PALM: variants seen among roughly 807,000 people sequenced by gnomAD.
PALM encodes the protein paralemmin-1.
In PALM, 18 loss-of-function variants were observed where a neutral mutation model predicts 30.7. That is an observed-to-expected ratio of 0.59 (90% CI 0.41 to 0.87). PALM has a LOEUF of 0.87. PALM is among the 40% of genes least tolerant of loss of function. The probability of loss-of-function intolerance (pLI) is 0.00; values close to 1 mark genes in which losing one functional copy is unlikely to be tolerated. For missense variants in PALM, 529 were observed against 555.4 expected (o/e 0.95, Z 0.48); for synonymous variants, 286 against 242.8 (o/e 1.18, Z -1.66).
chr19:739,147 C>T (rs528503352), intron 7 of PALM, among the ~76,000 whole-genome samples: 1 of 152,090 alleles, frequency 6.6e-6, no homozygotes, highest in Non-Finnish European at 1.5e-5. Flanking sequence ...CAGAGTGGGG[C>T]GAGGTGCTGG....
At chr19:719,239 G>T in intron 1 of PALM, 2 of 985,488 alleles carry the variant, frequency 2.0e-6, no homozygotes, top group Non-Finnish European at 2.4e-6. Flanking sequence ...CGCCCTGCTC[G>T]CTGGGTGACC....
rs1290435591 is a variant in PALM, at chr19:709,409, C to T, written c.5+258C>T. ...GGGACCCGGGCAGCGGCGGCTCGGGCCAGTCCAGGACGCGGGGAGGGGGAG... is the reference window on the plus strand; with the variant it reads ...GGGACCCGGGCAGCGGCGGCTCGGGTCAGTCCAGGACGCGGGGAGGGGGAG... On this transcript the variant is annotated intron_variant, in intron 1 of 8. Coordinates refer to ENST00000338448, the MANE Select transcript of PALM (RefSeq NM_002579.3). The surrounding 1 kb of genome is among the most constrained non-coding windows in gnomAD (Gnocchi z 4.3). Among the ~76,000 whole-genome samples, 1 of 151,742 alleles carries T rather than the reference C, an allele frequency of 6.6e-6. No homozygotes were observed. Among genetic ancestry groups the T allele is most frequent in the East Asian group, 2.0e-4 (1 of 5,104 alleles).
chr19:718,352 A>G (rs542585652), intron 1 of PALM, among the ~76,000 whole-genome samples: 2 of 152,238 alleles, frequency 1.3e-5, no homozygotes, highest in Admixed American at 1.3e-4. Flanking sequence ...CCAGGCAGCA[A>G]TGCAGCCAGC....
chr19:744,574 A>G (rs1599170846), intron 8 of PALM, among the ~76,000 whole-genome samples: 1 of 151,990 alleles, frequency 6.6e-6, no homozygotes, highest in African/African-American at 2.4e-5. Flanking sequence ...GATCAATCAA[A>G]TACACCCATA....
Position 742,944 on chromosome 19 carries a change from G to A in PALM, c.634+2461G>A, listed in dbSNP as rs535660219. 3.9e-5 allele frequency among the ~76,000 whole-genome samples: 6 copies of A among 152,292 alleles called. No individual in the cohort carries two copies. The South Asian group carries it at 8.3e-4, about 21-fold the overall frequency. On this transcript the variant is annotated intron_variant, in intron 8 of 8. Coordinates refer to ENST00000338448, the MANE Select transcript of PALM (RefSeq NM_002579.3). The surrounding 1 kb of genome is among the most constrained non-coding windows in gnomAD (Gnocchi z 5.5). ...GGAGTGAACTGCTGGGTCCTGAGGC[G>A]ACTGTGTGGAGCTCCGTGAGGACCT... is the stretch of plus-strand genomic sequence containing the variant.
intron 7 of PALM, among the ~76,000 whole-genome samples, chr19:736,635 G>C (rs1247679541): frequency 6.6e-6 from 1 of 152,130 alleles, no homozygotes; most frequent in Non-Finnish European, 1.5e-5. Context: ...TTCTCCGCCT[G>C]CCAGAGGGGT....
In PALM at chr19:727,100, G is replaced by C; in HGVS notation, c.138+12G>C. ...TGCAGCACCTGAAGGTACGAGCGGG[G>C]CAGGGACCCAGGGTCAGGGAGTGCA... On this transcript the variant is annotated intron_variant, in intron 3 of 8. Coordinates refer to ENST00000338448, the MANE Select transcript of PALM (RefSeq NM_002579.3). 1 of 1,531,824 alleles carries C rather than the reference G, an allele frequency of 6.5e-7. No individual in the cohort carries two copies. The highest frequency in any genetic ancestry group is 8.8e-7 in the Non-Finnish European group (1 of 1,130,318). 94.9% of individuals were successfully genotyped at this position (1,531,824 alleles called of 1,614,324 possible). A position where few individuals can be genotyped will look rare whatever the true frequency, so the allele number is the denominator to read the frequency against.
chr19:729,534 C>G (rs1446666740), intron 4 of PALM, among the ~76,000 whole-genome samples: 1 of 140,570 alleles, frequency 7.1e-6, no homozygotes, highest in African/African-American at 2.6e-5. Flanking sequence ...GGCGCGATCT[C>G]AGCTCACTGC....
At chr19:729,373 C>A (rs1228475239) in intron 4 of PALM, among the ~76,000 whole-genome samples, 1 of 150,610 alleles carries the variant, frequency 6.6e-6, no homozygotes, top group African/African-American at 2.4e-5. Flanking sequence ...GGGTTTGGGG[C>A]CTTGGAATGA....
intron 8 of PALM, 108 bp downstream of exon 8, chr19:740,591 C>T (rs540395827): frequency 5.6e-6 from 6 of 1,063,192 alleles, no homozygotes; most frequent in Non-Finnish European, 8.0e-6. Context: ...GACCCCGATT[C>T]GATGTGAAGC....
At chr19:723,159 T>C (rs922577141) in intron 1 of PALM, among the ~76,000 whole-genome samples, 1 of 151,854 alleles carries the variant, frequency 6.6e-6, no homozygotes, top group Non-Finnish European at 1.5e-5. Flanking sequence ...AAGGGGGACG[T>C]CATAGGAGGC....
Position 713,904 on chromosome 19 carries a change from CTTTCT to C in PALM, c.5+4757_5+4761del, listed in dbSNP as rs1262340178. On this transcript the variant is annotated intron_variant, in intron 1 of 8. Transcript: ENST00000338448. Reference sequence around the variant, plus strand: ...GCCTATGTTCTTTTTTTCTTTCTTTCTTTCTTTTTTTTTTTTTTGAGACAGAGTCT... The same window carrying C: ...GCCTATGTTCTTTTTTTCTTTCTTTCTTTTTTTTTTTTTGAGACAGAGTCT... Among the ~76,000 whole-genome samples, 168 of 120,256 alleles carry C rather than the reference CTTTCT, an allele frequency of 1.4e-3. 1 individual carries two copies. Among genetic ancestry groups the C allele is most frequent in the Non-Finnish European group, 2.9e-4 (17 of 58,336 alleles). The allele number at this position is 120,256 out of a possible 152,430, so 78.9% of individuals were successfully genotyped here.
At chr19:721,356 C>G (rs1004428751) in intron 1 of PALM, among the ~76,000 whole-genome samples, 1 of 152,102 alleles carries the variant, frequency 6.6e-6, no homozygotes, top group Non-Finnish European at 1.5e-5. Context: ...ACCTCCACCT[C>G]CCGGGTTCAA....
rs936504526 is a variant in PALM at position 727,909 on chromosome 19, G to A, written c.269+215G>A. 3.0e-5 allele frequency: 17 copies of A among 560,106 alleles called. No individual in the cohort carries two copies. The South Asian group carries it at 3.8e-4, about 13-fold the overall frequency. The allele number at this position is 560,106 out of a possible 1,614,324, so 34.7% of individuals were successfully genotyped here. ...TCTGGGGCAGCTTGCTGGGGGCAGA[G>A]GCTGGCTGCGTGGCCTCAGGCAGGG... On this transcript the variant is annotated intron_variant, in intron 4 of 8. Coordinates refer to ENST00000338448, the MANE Select transcript of PALM (RefSeq NM_002579.3).
intron 1 of PALM, chr19:719,645 C>T: frequency 1.0e-6 from 1 of 985,614 alleles, no homozygotes; most frequent in Non-Finnish European, 1.2e-6. Context: ...GACTCAGCTC[C>T]TCCGCCCAGC....
In PALM at chr19:740,507, C is replaced by T. The variant is rs1386760199; in HGVS notation, c.634+24C>T. 3 of 1,539,710 alleles carry T rather than the reference C, an allele frequency of 1.9e-6. No homozygotes were observed. The South Asian group carries it at 3.6e-5, about 19-fold the overall frequency. Reference sequence around the variant, plus strand: ...AGGTACGAGCACCCCGGCCCCTGCCCTCCCTCCACCTGGGCCAGAGCCCCG... The same window carrying T: ...AGGTACGAGCACCCCGGCCCCTGCCTTCCCTCCACCTGGGCCAGAGCCCCG... On this transcript the variant is annotated intron_variant, in intron 8 of 8. Coordinates refer to ENST00000338448, the MANE Select transcript of PALM (RefSeq NM_002579.3).
Position 709,164 on chromosome 19 carries a change from G to T in PALM, c.5+13G>T. 1 of 322,378 alleles carries T rather than the reference G, an allele frequency of 3.1e-6. No homozygotes were observed. The highest frequency in any genetic ancestry group is 5.6e-6 in the Non-Finnish European group (1 of 177,036). The allele number at this position is 322,378 out of a possible 1,614,324, so 20.0% of individuals were successfully genotyped here. A position where few individuals can be genotyped will look rare whatever the true frequency, so the allele number is the denominator to read the frequency against. On this transcript the variant is annotated intron_variant, in intron 1 of 8. Transcript: ENST00000338448. The surrounding 1 kb of genome is among the most constrained non-coding windows in gnomAD (Gnocchi z 4.3). The stretch of plus-strand genomic sequence containing the variant: ...GCGGGGAGATGGAGTGAGTAGGCGC[G>T]CTCGGGCCGCGGGGCTGGGGGCCCG...
At chr19:733,965 G>A (rs2032945816) in intron 5 of PALM, among the ~76,000 whole-genome samples, 1 of 152,134 alleles carries the variant, frequency 6.6e-6, no homozygotes, top group African/African-American at 2.4e-5. Flanking sequence ...CGGCCTGGGC[G>A]ACAAGAGCGA....
chr19:735,010 A>G (rs1351755819), intron 6 of PALM: 1 of 950,866 alleles, frequency 1.1e-6, no homozygotes, highest in African/African-American at 1.8e-5. Flanking sequence ...AAAAATCCAG[A>G]CAGGCCTCTC....
Sources: allele counts gnomAD v4.1 joint callset (sites outside exome capture counted in the v4.1 genomes callset), GRCh38; gene constraint gnomAD v4.1.1; non-coding constraint Gnocchi (gnomAD v3.1); transcripts MANE v1.5; gene names NCBI Gene and HGNC (gene_info 2026-07-23, HGNC 2026-07-21).